Variants in FMN2 observed in about 807,000 individuals in gnomAD.
FMN2 encodes the protein formin-2.
Under a neutral mutation model 142.3 loss-of-function variants are expected in FMN2, and 51 were observed. The ratio of observed to expected loss-of-function variants is 0.36; its 90% CI spans 0.29 to 0.45. FMN2 has a LOEUF of 0.45. FMN2 is among the 20% of genes least tolerant of loss of function. The pLI is 1.00. For missense variants in FMN2, 1,936 were observed against 2,122.8 expected, an observed-to-expected ratio of 0.91 and a Z score of 1.73; for synonymous variants, 882 against 869.8, an observed-to-expected ratio of 1.01 and a Z score of -0.25.
rs183107488 is a variant in FMN2, at chr1:240,141,340, G to T, written c.1782+17995G>T. On this transcript the variant is annotated intron_variant, in intron 2 of 17. Coordinates refer to ENST00000319653, the MANE Select transcript of FMN2 (RefSeq NM_020066.5). ...ATCTGCATGAAAAATAACAGGCAAC[G>T]GTATTTTATTTATTTATTTATTTAT... is the stretch of plus-strand genomic sequence containing the variant. Among the ~76,000 whole-genome samples, 904 of 132,318 alleles carry T rather than the reference G, an allele frequency of 6.8e-3. 7 individuals carry two copies. Among genetic ancestry groups the T allele is most frequent in the Non-Finnish European group, 0.011 (645 of 60,714 alleles). The allele number at this position is 132,318 out of a possible 152,430, so 86.8% of individuals were successfully genotyped here.
intron 16 of FMN2, among the ~76,000 whole-genome samples, chr1:240,456,017 T>C (rs1456306964): frequency 6.6e-6 from 1 of 151,650 alleles, no homozygotes; most frequent in African/African-American, 2.4e-5. Flanking sequence ...TGCATAATGA[T>C]CTCAGAAAAG....
intron 1 of FMN2, among the ~76,000 whole-genome samples, chr1:240,099,305 G>T (rs2103172015): frequency 6.7e-6 from 1 of 149,696 alleles, no homozygotes; most frequent in African/African-American, 2.4e-5. Context: ...CCCCAGTTTT[G>T]TTTTGTTTTG....
chr1:240,190,139 A>G (rs969827550), intron 4 of FMN2, among the ~76,000 whole-genome samples: 2 of 152,224 alleles, frequency 1.3e-5, no homozygotes, highest in African/African-American at 4.8e-5. Flanking sequence ...ATGGTAAAAT[A>G]TATTGCAATA....
intron 16 of FMN2, among the ~76,000 whole-genome samples, chr1:240,453,237 GATTTAGCACTAAA>G (rs1676118433): frequency 6.6e-6 from 1 of 152,122 alleles, no homozygotes; most frequent in Non-Finnish European, 1.5e-5. Flanking sequence ...CTATGAGAAA[GATTTAGCACTAAA>G]TAAATTCATA....
At chr1:240,153,311 G>A (rs1182218344) in intron 2 of FMN2, among the ~76,000 whole-genome samples, 1 of 151,142 alleles carries the variant, frequency 6.6e-6, no homozygotes, top group Non-Finnish European at 1.5e-5. Flanking sequence ...ACTTTTTCGG[G>A]CAAAATTCTT....
chr1:240,184,877 A>G (rs984457603), intron 3 of FMN2, among the ~76,000 whole-genome samples: 2 of 151,398 alleles, frequency 1.3e-5, no homozygotes, highest in Admixed American at 1.3e-4. Flanking sequence ...TGGTACATCA[A>G]TTTCTCTCCG....
At chr1:240,462,668 G>A (rs1221041728) in intron 16 of FMN2, among the ~76,000 whole-genome samples, 3 of 152,084 alleles carry the variant, frequency 2.0e-5, no homozygotes, top group African/African-American at 7.2e-5. Context: ...GTGAATACTT[G>A]CTTGTGTGAG....
intron 4 of FMN2, among the ~76,000 whole-genome samples, chr1:240,189,246 A>G (rs1277771686): frequency 1.3e-5 from 2 of 151,998 alleles, no homozygotes; most frequent in African/African-American, 4.8e-5. Context: ...TCTTTTGGAT[A>G]TAAAACCATT....
At chr1:240,144,528 A>G in intron 2 of FMN2, 1 of 1,468,528 alleles carries the variant, frequency 6.8e-7, no homozygotes, top group Non-Finnish European at 9.5e-7. Context: ...TCCTCGCAGG[A>G]TGTGAAGATG....
intron 14 of FMN2, among the ~76,000 whole-genome samples, chr1:240,367,572 T>A (rs948466651): frequency 6.6e-6 from 1 of 151,726 alleles, no homozygotes; most frequent in Non-Finnish European, 1.5e-5. Flanking sequence ...ATCGAGACCA[T>A]CCTGGCTAAC....
chr1:240,177,282 G>C (rs1664956450), intron 2 of FMN2, among the ~76,000 whole-genome samples: 1 of 152,014 alleles, frequency 6.6e-6, no homozygotes, highest in Admixed American at 6.5e-5. Context: ...TATAGTACTA[G>C]CTGCTTTCTC....
chr1:240,291,055 C>G (rs1008597565), intron 7 of FMN2, among the ~76,000 whole-genome samples: 3 of 152,028 alleles, frequency 2.0e-5, no homozygotes. Flanking sequence ...CTCAGGTGAT[C>G]CGCCTGCCTT....
At chr1:240,373,111 G>A (rs1489931528) in intron 14 of FMN2, among the ~76,000 whole-genome samples, 2 of 150,590 alleles carry the variant, frequency 1.3e-5, no homozygotes, top group Non-Finnish European at 3.0e-5. Context: ...TTGAACCCAG[G>A]AGGTGGAGTT....
chr1:240,444,106 C>T (rs866269818), intron 16 of FMN2, among the ~76,000 whole-genome samples: 3 of 152,222 alleles, frequency 2.0e-5, no homozygotes, highest in Middle Eastern at 6.8e-3. Context: ...TTGTAAGTTG[C>T]GCTCAGTTTT....
chr1:240,421,874 G>T (rs1010959631), intron 15 of FMN2, among the ~76,000 whole-genome samples: 6 of 151,016 alleles, frequency 4.0e-5, no homozygotes, highest in Non-Finnish European at 8.8e-5. Context: ...TGTGGTGGGG[G>T]TGGGGGAAAT....
chr1:240,385,135 G>A (rs1314429052), intron 14 of FMN2, among the ~76,000 whole-genome samples: 2 of 152,138 alleles, frequency 1.3e-5, no homozygotes, highest in East Asian at 3.9e-4. Context: ...GTAAGATTAG[G>A]AAGAAAAGAA....
intron 14 of FMN2, among the ~76,000 whole-genome samples, chr1:240,367,992 G>A (rs1053814268): frequency 2.6e-5 from 4 of 152,004 alleles, no homozygotes; most frequent in African/African-American, 4.8e-5. Context: ...GGAATAAGCC[G>A]TTTTCTCTCT....
intron 14 of FMN2, among the ~76,000 whole-genome samples, chr1:240,373,938 T>C (rs1381967271): frequency 6.6e-6 from 1 of 152,222 alleles, no homozygotes; most frequent in Non-Finnish European, 1.5e-5. Context: ...CCTTACCAAA[T>C]ATATTTCTTA....
chr1:240,429,583 A>G (rs145200036), intron 15 of FMN2, among the ~76,000 whole-genome samples: 1,563 of 152,270 alleles, frequency 0.01, 24 homozygotes, highest in African/African-American at 0.036. Flanking sequence ...TTTACTTCAC[A>G]CTTCTCTGAA....
Sources: allele counts gnomAD v4.1 joint callset (sites outside exome capture counted in the v4.1 genomes callset), GRCh38; gene constraint gnomAD v4.1.1; transcripts MANE v1.5; gene names NCBI Gene and HGNC (gene_info 2026-07-23, HGNC 2026-07-21).